The following NT5C2 variants were observed in gnomAD, a reference collection of about 807,000 sequenced individuals.
NT5C2 encodes the protein cytosolic purine 5'-nucleotidase.
NT5C2 carries 58 observed loss-of-function variants against 76.1 expected under a neutral mutation model. The observed-to-expected ratio is 0.76, with a 90% CI of 0.62 to 0.95. The LOEUF (loss-of-function observed/expected upper bound fraction) is 0.95, where lower values mean the gene tolerates loss of function less well. NT5C2 is among the 40% of genes least tolerant of loss of function. The probability of loss-of-function intolerance (pLI) is 0.00; values close to 1 mark genes in which losing one functional copy is unlikely to be tolerated. For synonymous variants in NT5C2, 229 were observed against 237.4 expected (o/e 0.96, Z 0.32); for missense variants, 478 against 690.3 (o/e 0.69, Z 3.45).
chr10:103,116,163 C>T (rs2074286659), intron 4 of NT5C2, among the ~76,000 whole-genome samples: 1 of 151,980 alleles, frequency 6.6e-6, no homozygotes, highest in East Asian at 1.9e-4. Flanking sequence ...TTTTTAGTTT[C>T]TGCCACATGA....
Position 103,174,939 on chromosome 10 carries a change from T to G in NT5C2, c.20A>C (p.Asp7Ala). 6.2e-7 allele frequency: 1 copy of G among 1,610,636 alleles called. No homozygotes were observed. The highest frequency in any genetic ancestry group is 8.5e-7 in the Non-Finnish European group (1 of 1,176,934). The change falls in exon 3 of 19, where the codon GAT becomes GCT. Residue 7 changes from aspartate (D) to alanine (A), a missense_variant. Physicochemically the swap from Asp to Ala is moderately radical, Grantham distance 126. Coordinates refer to ENST00000404739, the MANE Select transcript of NT5C2 (RefSeq NM_001351169.2). MSTSWS[D>A]RLQNAADMPA... ...CATATCTGCTGCATTCTGTAACCGA[T>G]CACTCCAGGAGGTTGACATTTTATT...
At chr10:103,122,836 C>T (rs1050919933) in intron 4 of NT5C2, among the ~76,000 whole-genome samples, 6 of 152,170 alleles carry the variant, frequency 3.9e-5, no homozygotes, top group Non-Finnish European at 8.8e-5. Flanking sequence ...CAGTTTATCA[C>T]CATTAGATCA....
Position 103,101,300 on chromosome 10 carries a change from T to C in NT5C2, c.416A>G (p.Asn139Ser). The C allele has an allele frequency of 3.7e-6, 6 of 1,606,596 alleles. No homozygotes were observed. Among genetic ancestry groups the C allele is most frequent in the African/African-American group, 1.3e-5 (1 of 74,892 alleles). The change falls in exon 7 of 19, where the codon AAT (asparagine) becomes AGT (serine). Residue 139 changes from asparagine to serine, a missense_variant. Coordinates refer to ENST00000404739, the MANE Select transcript of NT5C2 (RefSeq NM_001351169.2). Reference protein sequence around the residue: ...RGPETREQYPNKFIQRDDTER... With the variant: ...RGPETREQYPSKFIQRDDTER... ...AGTATCATCTCGCTGGATAAATTTA[T>C]TTGGATACTGTTCTCTAGTTTCTGG...
At chr10:103,133,105 T>G (rs1030159969) in intron 4 of NT5C2, among the ~76,000 whole-genome samples, 4 of 152,188 alleles carry the variant, frequency 2.6e-5, no homozygotes, top group Non-Finnish European at 5.9e-5. Flanking sequence ...TCTGCTGTTC[T>G]CGTGATAGTG....
At chr10:103,129,463 C>G (rs1591223986) in intron 4 of NT5C2, among the ~76,000 whole-genome samples, 1 of 110,988 alleles carries the variant, frequency 9.0e-6, no homozygotes, top group Non-Finnish European at 1.9e-5. Flanking sequence ...CCACCCCGTC[C>G]GGGAGGGAGA....
Position 103,101,285 on chromosome 10 carries a change from C to T in NT5C2, c.431G>A (p.Arg144Gln), listed in dbSNP as rs1339375757. The T allele has an allele frequency of 1.9e-6, 3 of 1,609,202 alleles. No individual in the cohort carries two copies. The highest frequency in any genetic ancestry group is 2.2e-5 in the East Asian group (1 of 44,744). Reference protein sequence around the residue: ...REQYPNKFIQRDDTERFYILN... With the variant: ...REQYPNKFIQQDDTERFYILN... ...AATGTAAAATCTTTCAGTATCATCT[C>T]GCTGGATAAATTTATTTGGATACTG... is the stretch of plus-strand genomic sequence containing the variant. The change falls in exon 7 of 19, where the codon CGA (arginine) becomes CAA (glutamine). Residue 144 changes from arginine (R) to glutamine (Q), a missense_variant. Transcript: ENST00000404739.
intron 3 of NT5C2, chr10:103,145,942 A>T: frequency 2.7e-6 from 1 of 374,352 alleles, no homozygotes; most frequent in Non-Finnish European, 3.7e-6. Flanking sequence ...TCTCACACTT[A>T]AGTAACATGA....
intron 4 of NT5C2, among the ~76,000 whole-genome samples, chr10:103,133,210 C>T (rs111350904): frequency 1.2e-4 from 19 of 152,300 alleles, no homozygotes; most frequent in Admixed American, 7.2e-4. Context: ...ATGCCTTTTG[C>T]CTTTCACCTT....
chr10:103,174,832 G>A, intron 3 of NT5C2, 26 bp downstream of exon 3: 1 of 1,475,704 alleles, frequency 6.8e-7, no homozygotes, highest in Non-Finnish European at 9.5e-7. Context: ...GAGGGGTTTT[G>A]AGGATTAAAT....
At chr10:103,172,390 A>G (rs1469295964) in intron 3 of NT5C2, among the ~76,000 whole-genome samples, 1 of 151,008 alleles carries the variant, frequency 6.6e-6, no homozygotes, top group Non-Finnish European at 1.5e-5. Flanking sequence ...CTGGGACTAC[A>G]GGCACCTGCC....
intron 3 of NT5C2, among the ~76,000 whole-genome samples, chr10:103,173,461 C>A (rs1373382044): frequency 6.7e-6 from 1 of 150,192 alleles, no homozygotes; most frequent in Non-Finnish European, 1.5e-5. Context: ...ACCAAAAATA[C>A]AAAAAATTAG....
intron 2 of NT5C2, chr10:103,175,728 G>A (rs1036515620): frequency 1.1e-5 from 3 of 268,798 alleles, no homozygotes; most frequent in Non-Finnish European, 2.1e-5. Context: ...AGGCAGCCGG[G>A]GCCACTGGCG....
At chr10:103,183,291 A>ATATATATTATATATATATATATC (rs1554841794) in intron 1 of NT5C2, among the ~76,000 whole-genome samples, 1,430 of 128,116 alleles carry the variant, frequency 0.011, 32 homozygotes, top group South Asian at 0.035. Context: ...ATATATATAT[A>ATATATATTATATATATATATATC]TATCACACAC....
At chr10:103,138,308 G>A (rs1337884750) in intron 4 of NT5C2, among the ~76,000 whole-genome samples, 1 of 152,292 alleles carries the variant, frequency 6.6e-6, no homozygotes, top group Non-Finnish European at 1.5e-5. Context: ...GGATACATAT[G>A]CAGAATGTGC....
chr10:103,124,332 A>G (rs1474619860), intron 4 of NT5C2, among the ~76,000 whole-genome samples: 1 of 152,172 alleles, frequency 6.6e-6, no homozygotes, highest in Non-Finnish European at 1.5e-5. Context: ...TCAGCTGCTC[A>G]AAAAAGAGCT....
rs1025276963 is a variant in NT5C2, at chr10:103,189,413, C to T, written c.-169+3823G>A. 2.6e-5 allele frequency among the ~76,000 whole-genome samples: 4 copies of T among 151,818 alleles called. No homozygotes were observed. The South Asian group carries it at 8.3e-4, about 31-fold the overall frequency. On this transcript the variant is annotated intron_variant, in intron 1 of 18. Transcript: ENST00000404739. ...ATGAGGTAAAGAGATTGAGACCATC[C>T]TGGCCAACATGGTGAAACCCCATCT...
In NT5C2 at chr10:103,106,626, A is replaced by T. The variant is rs2135282204; in HGVS notation, c.256T>A (p.Leu86Met). ...GTAGAATCATAAGCAAAGCTGAGCA[A>T]CTCCTGGGGATAGCCAATAGAAACT... ...RLVSIGYPQE[L>M]LSFAYDSTFP... Residue 86 changes from leucine to methionine, a missense_variant, in exon 5 of 19, where the codon TTG (leucine) becomes ATG (methionine). Coordinates refer to ENST00000404739, the MANE Select transcript of NT5C2 (RefSeq NM_001351169.2). 1 of 1,613,562 alleles carries T rather than the reference A, an allele frequency of 6.2e-7. No individual in the cohort carries two copies. Among genetic ancestry groups the T allele is most frequent in the South Asian group, 1.1e-5 (1 of 91,058 alleles).
At chr10:103,173,119 G>T (rs1008588104) in intron 3 of NT5C2, among the ~76,000 whole-genome samples, 1 of 152,116 alleles carries the variant, frequency 6.6e-6, no homozygotes, top group African/African-American at 2.4e-5. Flanking sequence ...AAAGTGCTGG[G>T]ATTACAGATG....
rs146094688 is a variant in NT5C2 at position 103,136,913 on chromosome 10, G to A, written c.175+2493C>T. 1.5e-3 allele frequency among the ~76,000 whole-genome samples: 224 copies of A among 152,172 alleles called. 2 individuals carry two copies. Among genetic ancestry groups the A allele is most frequent in the South Asian group, 1.0e-2 (48 of 4,810 alleles). ...GCTGGGATTACAGGCATGAGCCACC[G>A]CGCCAGGCCAATTAAGTGACCTTTT... On this transcript the variant is annotated intron_variant, in intron 4 of 18. Coordinates refer to ENST00000404739, the MANE Select transcript of NT5C2 (RefSeq NM_001351169.2).
Sources: gnomAD v4.1 joint callset for allele counts (sites outside exome capture counted in the v4.1 genomes callset) on GRCh38, gnomAD v4.1.1 for gene constraint, MANE v1.5 for transcripts, NCBI Gene and HGNC (gene_info 2026-07-23, HGNC 2026-07-21) for gene names.